Variants in HIF1A observed in about 807,000 individuals in gnomAD.
The protein encoded by HIF1A is hypoxia inducible factor 1 subunit alpha.
In HIF1A, 24 loss-of-function variants were observed where a neutral mutation model predicts 92.7. The observed-to-expected ratio is 0.26, with a 90% CI of 0.19 to 0.36. The LOEUF (loss-of-function observed/expected upper bound fraction) is 0.36. HIF1A is among the 10% of genes least tolerant of loss of function. The pLI, the probability that HIF1A is intolerant of heterozygous loss-of-function variation, is 1.00. For synonymous variants in HIF1A, 319 were observed against 338.7 expected (o/e 0.94, Z 0.64); for missense variants, 799 against 998.5 (o/e 0.80, Z 2.69).
intron 4 of HIF1A, 180 bp from the exon 5 acceptor site, chr14:61,726,526 G>T (rs1315574131): frequency 2.2e-6 from 1 of 447,892 alleles, no homozygotes; most frequent in Non-Finnish European, 4.0e-6. Context: ...CTACTGAGTA[G>T]TGTGTGTCAG....
rs2044663365 is a variant in HIF1A at position 61,738,236 on chromosome 14, G to C, written c.1399G>C (p.Asp467His). Residue 467 changes from aspartate to histidine, a missense_variant, in exon 10 of 15, where the codon GAC (aspartate) becomes CAC (histidine). Asp to His is a moderately conservative substitution (Grantham distance 81, BLOSUM62 -1). Around this residue, in one of 2 missense-constraint regions of HIF1A, gnomAD observed 516 missense variants for 721.0 expected, o/e 0.72. Coordinates refer to ENST00000337138, the MANE Select transcript of HIF1A (RefSeq NM_001530.4). The stretch of plus-strand genomic sequence containing the variant: ...GCCAAAGCCACTTCGAAGTAGTGCT[G>C]ACCCTGCACTCAATCAAGAAGTTGC... ...ETPKPLRSSADPALNQEVALK... is the reference protein window; with the variant it reads ...ETPKPLRSSAHPALNQEVALK... 3.1e-6 allele frequency: 5 copies of C among 1,613,998 alleles called. No individual in the cohort carries two copies. In the African/African-American group the frequency reaches 5.3e-5, roughly 17 times the overall value.
At position 61,740,986 on chromosome 14, in the gene HIF1A, C is replaced by T. The variant is rs1004150577; in HGVS notation, c.1891C>T (p.Arg631Cys). 1.2e-5 allele frequency: 19 copies of T among 1,613,862 alleles called. No homozygotes were observed. The highest frequency in any genetic ancestry group is 1.4e-5 in the Non-Finnish European group (16 of 1,179,870). The change falls in exon 12 of 15, where the codon CGT (arginine) becomes TGT (cysteine). Residue 631 changes from arginine to cysteine, a missense_variant. By Grantham distance (180) the Arg-to-Cys change is radical. Transcript: ENST00000337138. ...TDELKTVTKD[R>C]MEDIKILIAS... ...TGAATTAAAAACAGTGACAAAAGAC[C>T]GTATGGAAGACATTAAAATATTGAT... is the stretch of plus-strand genomic sequence containing the variant.
At chr14:61,696,129 A>C (rs2044112693) in intron 1 of HIF1A, among the ~76,000 whole-genome samples, 1 of 151,782 alleles carries the variant, frequency 6.6e-6, no homozygotes, top group Non-Finnish European at 1.5e-5. Flanking sequence ...CGCGCCGCCC[A>C]CCTACCCGCC....
chr14:61,707,553 G>A (rs536804586), intron 1 of HIF1A, among the ~76,000 whole-genome samples: 15 of 152,040 alleles, frequency 9.9e-5, no homozygotes, highest in South Asian at 2.1e-4. Flanking sequence ...GAGAACACGC[G>A]GTGTTTGGTT....
In HIF1A at chr14:61,745,721, G is replaced by T; in HGVS notation, c.2233G>T (p.Ala745Ser). 1 of 1,612,642 alleles carries T rather than the reference G, an allele frequency of 6.2e-7. No individual in the cohort carries two copies. ...GTLLQQPDDHAATTSLSWKRV... is the reference protein window; with the variant it reads ...GTLLQQPDDHSATTSLSWKRV... ...ATTATTACAGCAGCCAGACGATCATGCAGCTACTACATCACTTTCTTGGAA... is the reference window on the plus strand; with the variant it reads ...ATTATTACAGCAGCCAGACGATCATTCAGCTACTACATCACTTTCTTGGAA... Residue 745 changes from alanine (A) to serine (S), a missense_variant, in exon 14 of 15, where the codon GCA becomes TCA. Around this residue, in one of 2 missense-constraint regions of HIF1A, gnomAD observed 283 missense variants for 277.5 expected, o/e 1.02. Coordinates refer to ENST00000337138, the MANE Select transcript of HIF1A (RefSeq NM_001530.4).
At chr14:61,713,150 T>C (rs1192564851) in intron 1 of HIF1A, among the ~76,000 whole-genome samples, 1 of 152,140 alleles carries the variant, frequency 6.6e-6, no homozygotes, top group Non-Finnish European at 1.5e-5. Flanking sequence ...ATGATGAGGA[T>C]AAAGAGGTGG....
At chr14:61,704,834 C>T (rs1203429100) in intron 1 of HIF1A, among the ~76,000 whole-genome samples, 1 of 152,140 alleles carries the variant, frequency 6.6e-6, no homozygotes, top group Non-Finnish European at 1.5e-5. Context: ...AGCATTGAAT[C>T]GTTGATGGCT....
At chr14:61,721,847 T>G in intron 4 of HIF1A, 24 bp downstream of exon 4, 1 of 1,534,190 alleles carries the variant, frequency 6.5e-7, no homozygotes, top group Non-Finnish European at 9.0e-7. Flanking sequence ...GTTGTTTGAT[T>G]TAATGTGACA....
At chr14:61,726,945 A>C (rs570732190) in intron 5 of HIF1A, 127 bp downstream of exon 5, 20 of 550,002 alleles carry the variant, frequency 3.6e-5, no homozygotes, top group Non-Finnish European at 6.3e-5. Context: ...TAACATTTAT[A>C]TCTTCAACTC....
At position 61,740,638 on chromosome 14, in the gene HIF1A, T is replaced by C. The variant is rs764336850; in HGVS notation, c.1659+11T>C. 1 of 1,573,058 alleles carries C rather than the reference T, an allele frequency of 6.4e-7. No individual in the cohort carries two copies. On this transcript the variant is annotated intron_variant, in intron 11 of 14. Transcript: ENST00000337138. Reference sequence around the variant, plus strand: ...CCATTTTCTACTCAGGTATATGAACTTATTTGTTTTATATTAAATTTCATT... The same window carrying C: ...CCATTTTCTACTCAGGTATATGAACCTATTTGTTTTATATTAAATTTCATT...
intron 14 of HIF1A, among the ~76,000 whole-genome samples, chr14:61,746,186 T>TG (rs1192074368): frequency 1.4e-5 from 2 of 141,998 alleles, no homozygotes; most frequent in Non-Finnish European, 3.0e-5. Flanking sequence ...ATGGCACCAC[T>TG]GCACTCCAGC....
intron 1 of HIF1A, among the ~76,000 whole-genome samples, chr14:61,714,020 AG>A (rs1322310769): frequency 6.6e-6 from 1 of 152,284 alleles, no homozygotes; most frequent in Admixed American, 6.5e-5. Context: ...GTGGGAGCAG[AG>A]GGGGGAAAAA....
At chr14:61,733,902 T>A (rs1490392401) in intron 7 of HIF1A, among the ~76,000 whole-genome samples, 1 of 152,190 alleles carries the variant, frequency 6.6e-6, no homozygotes, top group African/African-American at 2.4e-5. Context: ...ATTCATGAAC[T>A]CTTCACTTAG....
At chr14:61,729,479 C>A (rs71423444) in intron 6 of HIF1A, among the ~76,000 whole-genome samples, 108,321 of 146,374 alleles carry the variant, frequency 0.74, 45,135 homozygotes, top group Non-Finnish European at 0.92. Flanking sequence ...AAAAACAAAA[C>A]AAAAAAAAGA....
chr14:61,719,492 C>CCT (rs1238537647), intron 1 of HIF1A, among the ~76,000 whole-genome samples: 1 of 152,132 alleles, frequency 6.6e-6, no homozygotes, highest in Non-Finnish European at 1.5e-5. Context: ...GAACTAGGCA[C>CCT]CTAGTACAGG....
At chr14:61,708,148 G>C (rs1404692138) in intron 1 of HIF1A, among the ~76,000 whole-genome samples, 1 of 152,160 alleles carries the variant, frequency 6.6e-6, no homozygotes, top group Non-Finnish European at 1.5e-5. Flanking sequence ...ACTTTTTGAT[G>C]GGGTTGTTTT....
rs765274494 is a variant in HIF1A, at chr14:61,726,708, C to CTTGTGAAAAAGGGTA, written c.461_475dup (p.Gly158_Lys159insIleValLysLysGly). 6.3e-7 allele frequency: 1 copy of CTTGTGAAAAAGGGTA among 1,581,396 alleles called. No homozygotes were observed. The highest frequency in any genetic ancestry group is 2.3e-5 in the East Asian group (1 of 43,868). On this transcript the variant is annotated inframe_insertion, in exon 5 of 15. Coordinates refer to ENST00000337138, the MANE Select transcript of HIF1A (RefSeq NM_001530.4). The stretch of plus-strand genomic sequence containing the variant: ...ACTTTATTTCATGCTTTCATTAGGC[C>CTTGTGAAAAAGGGTA]TTGTGAAAAAGGGTAAAGAACAAAA...
rs1222928410 is a variant in HIF1A, at chr14:61,740,958, T to C, written c.1863T>C (p.Thr621=). The part of the protein sequence containing the change: ...TANATTTTAT[T]DELKTVTKDR... ...ATGCCACCACTACCACTGCCACCACTGATGAATTAAAAACAGTGACAAAAG... is the reference window on the plus strand; with the variant it reads ...ATGCCACCACTACCACTGCCACCACCGATGAATTAAAAACAGTGACAAAAG... Residue 621 remains threonine (T), a synonymous_variant, in exon 12 of 15, where the codon ACT becomes ACC. Transcript: ENST00000337138. 6.2e-7 allele frequency: 1 copy of C among 1,613,992 alleles called. No homozygotes were observed.
At chr14:61,745,578 A>G (rs73315302) in intron 13 of HIF1A, 113 bp from the exon 14 acceptor site, 15,378 of 779,558 alleles carry the variant, frequency 0.02, 247 homozygotes, top group African/African-American at 0.059. Flanking sequence ...AATTTAGGGT[A>G]GTATTTAAGA....
Sources: gnomAD v4.1 joint callset for allele counts (sites outside exome capture counted in the v4.1 genomes callset) on GRCh38, gnomAD v4.1.1 for gene constraint, gnomAD v4.1.1 regional missense constraint, MANE v1.5 for transcripts, NCBI Gene and HGNC (gene_info 2026-07-23, HGNC 2026-07-21) for gene names.